Variants in MICU3 observed in about 807,000 individuals in gnomAD.
MICU3 encodes calcium uptake protein 3, mitochondrial.
In MICU3, 62 loss-of-function variants were observed where a neutral mutation model predicts 66.5. That is an observed-to-expected ratio of 0.93 (90% CI 0.76 to 1.15). The LOEUF (loss-of-function observed/expected upper bound fraction) is 1.15. MICU3 is among the 50% of genes most tolerant of loss of function. MICU3 has a pLI of 0.00. For synonymous variants in MICU3, 308 were observed against 240.7 expected (o/e 1.28, Z -2.59); for missense variants, 779 against 664.4 (o/e 1.17, Z -1.90).
the MICU3 span, among the ~76,000 whole-genome samples, chr8:17,130,983 A>G: frequency 6.6e-6 from 1 of 152,180 alleles, no homozygotes; most frequent in African/African-American, 2.4e-5. Flanking sequence ...AATGATAGAG[A>G]AAAAAGATCC....
chr8:17,105,279 G>A, intron 10 of MICU3, 134 bp from the exon 11 acceptor site: 1 of 563,948 alleles, frequency 1.8e-6, no homozygotes. Context: ...TTACAGGGAG[G>A]AACTTTATTA....
chr8:17,118,708 G>T lies in MICU3; in HGVS notation c.1526G>T (p.Gly509Val). 1 of 1,603,700 alleles carries T rather than the reference G, an allele frequency of 6.2e-7. No individual in the cohort carries two copies. Among genetic ancestry groups the T allele is most frequent in the South Asian group, 1.1e-5 (1 of 90,598 alleles). ...ACACTTTGCTCTTCTGTTTTACAGG[G>T]TTATAAAACAGTCCAGAAGTACCCC... ...MKDRLHRGFR[G>V]YKTVQKYPTF... Residue 509 changes from glycine (G) to valine (V), a missense_variant and splice_region_variant, in exon 14 of 15, where the codon GGT (glycine) becomes GTT (valine). Transcript: ENST00000318063.
chr8:17,110,288 C>G lies in MICU3; in HGVS notation c.1258-3805C>G, dbSNP rs549060765. 5.3e-5 allele frequency among the ~76,000 whole-genome samples: 8 copies of G among 152,136 alleles called. No homozygotes were observed. The South Asian group carries it at 1.7e-3, about 32-fold the overall frequency. On this transcript the variant is annotated intron_variant, in intron 11 of 14. Transcript: ENST00000318063. ...TAAAATTTGTATAACAAAAAATTAA[C>G]CGTTTTAAACTGAATAATTCAGTGA...
intron 1 of MICU3, among the ~76,000 whole-genome samples, chr8:17,054,888 G>A (rs904741302): frequency 2.6e-5 from 4 of 151,622 alleles, no homozygotes; most frequent in South Asian, 2.1e-4. Context: ...ACAGGCGCCC[G>A]CCACCATGCC....
At chr8:17,096,955 T>TTTG (rs1554531649) in intron 8 of MICU3, among the ~76,000 whole-genome samples, 8 of 141,548 alleles carry the variant, frequency 5.7e-5, no homozygotes, top group Non-Finnish European at 1.2e-4. Context: ...CTAAATATAT[T>TTTG]TGTGTGTGTG....
chr8:17,046,788 A>G (rs375952059), intron 1 of MICU3, among the ~76,000 whole-genome samples: 3 of 152,220 alleles, frequency 2.0e-5, no homozygotes, highest in East Asian at 3.9e-4. Context: ...ATGACATGAA[A>G]CCTGCAAATT....
At chr8:17,079,746 G>A (rs936538553) in intron 4 of MICU3, among the ~76,000 whole-genome samples, 17 of 151,730 alleles carry the variant, frequency 1.1e-4, no homozygotes, top group African/African-American at 4.1e-4. Flanking sequence ...CTCTTGCCTC[G>A]GCCTCCCAAA....
downstream of MICU3, among the ~76,000 whole-genome samples, chr8:17,127,153 G>C (rs1318618402): frequency 6.6e-6 from 1 of 152,122 alleles, no homozygotes; most frequent in Non-Finnish European, 1.5e-5. Flanking sequence ...GCAAGCTCTA[G>C]GTGCTATAAG....
chr8:17,105,644 C>A, intron 11 of MICU3, 60 bp downstream of exon 11: 1 of 967,972 alleles, frequency 1.0e-6, no homozygotes, highest in Non-Finnish European at 1.5e-6. Context: ...GCCTCTAAAA[C>A]ACATTGCCCT....
chr8:17,039,654 G>A (rs1050917530), intron 1 of MICU3, among the ~76,000 whole-genome samples: 1 of 152,042 alleles, frequency 6.6e-6, no homozygotes, highest in African/African-American at 2.4e-5. Flanking sequence ...TATTTTATAA[G>A]TGCTAAGTAA....
intron 1 of MICU3, among the ~76,000 whole-genome samples, chr8:17,062,427 C>T (rs1056144462): frequency 1.3e-5 from 2 of 151,966 alleles, no homozygotes; most frequent in East Asian, 1.9e-4. Flanking sequence ...AAGTGGGGAG[C>T]GAAACTTTTT....
rs1396173292 is a variant in MICU3 at position 17,116,468 on chromosome 8, A to G, written c.1392A>G (p.Val464=). ...GQDEFKRAVY[V]ATGLKFSPHL... is the part of the protein sequence containing the mutation. ...ATGAATTTAAACGTGCCGTCTATGTAGCTACTGGACTCAAATTTTCACCAC... is the reference window on the plus strand; with the variant it reads ...ATGAATTTAAACGTGCCGTCTATGTGGCTACTGGACTCAAATTTTCACCAC... The change falls in exon 13 of 15, where the codon GTA becomes GTG. Residue 464 remains valine (V), a synonymous_variant. Coordinates refer to ENST00000318063, the MANE Select transcript of MICU3 (RefSeq NM_181723.3). The G allele has an allele frequency of 1.3e-6, 2 of 1,525,212 alleles. No homozygotes were observed. The highest frequency in any genetic ancestry group is 4.9e-5 in the East Asian group (2 of 40,940). 94.5% of individuals were successfully genotyped at this position (1,525,212 alleles called of 1,614,324 possible). A position where few individuals can be genotyped will look rare whatever the true frequency, so the allele number is the denominator to read the frequency against.
At chr8:17,033,639 G>A (rs1812464830) in intron 1 of MICU3, among the ~76,000 whole-genome samples, 2 of 151,990 alleles carry the variant, frequency 1.3e-5, no homozygotes, top group Admixed American at 1.3e-4. Flanking sequence ...GGATTTCACT[G>A]TGTTTGCCAG....
rs1818298377 is a variant in MICU3, at chr8:17,064,090, A to G, written c.388A>G (p.Ile130Val). The G allele has an allele frequency of 1.9e-6, 3 of 1,608,826 alleles. No individual in the cohort carries two copies. The highest frequency in any genetic ancestry group is 1.1e-5 in the South Asian group (1 of 89,678). The change falls in exon 2 of 15, where the codon ATT (isoleucine) becomes GTT (valine). Residue 130 changes from isoleucine (I) to valine (V), a missense_variant. Ile to Val is a conservative substitution (Grantham distance 29). Coordinates refer to ENST00000318063, the MANE Select transcript of MICU3 (RefSeq NM_181723.3). Reference protein sequence around the residue: ...PVAAAKETVAIGRTDIEDLDL... With the variant: ...PVAAAKETVAVGRTDIEDLDL... ...TTTGCTTTCTTAACTTTAGGTTGCT[A>G]TTGGCAGAACAGACATTGAAGACTT...
chr8:17,115,988 A>C (rs557749917), intron 12 of MICU3, among the ~76,000 whole-genome samples: 1 of 152,120 alleles, frequency 6.6e-6, no homozygotes, highest in South Asian at 2.1e-4. Flanking sequence ...TCCTTTTCCT[A>C]ACCACTGCCT....
At chr8:17,128,112 C>G in the MICU3 span, among the ~76,000 whole-genome samples, 1 of 152,064 alleles carries the variant, frequency 6.6e-6, no homozygotes, top group African/African-American at 2.4e-5. Context: ...GAGTTCTCTA[C>G]TGACAGTGTG....
At chr8:17,115,299 C>T (rs1802580578) in intron 12 of MICU3, among the ~76,000 whole-genome samples, 1 of 151,862 alleles carries the variant, frequency 6.6e-6, no homozygotes, top group Non-Finnish European at 1.5e-5. Flanking sequence ...TATATTTTAC[C>T]CTTTCTGTAG....
chr8:17,097,257 A>G (rs1233819286), intron 8 of MICU3, among the ~76,000 whole-genome samples: 1 of 151,834 alleles, frequency 6.6e-6, no homozygotes, highest in East Asian at 1.9e-4. Flanking sequence ...ATATAAAATA[A>G]AATGAACTGT....
At chr8:17,133,113 C>A in the MICU3 span, 1 of 152,158 alleles carries the variant, frequency 6.6e-6, no homozygotes, top group Non-Finnish European at 1.5e-5. Context: ...CCAGTATAAG[C>A]TATTTTGTTA....
Sources: allele counts gnomAD v4.1 joint callset (sites outside exome capture counted in the v4.1 genomes callset), GRCh38; gene constraint gnomAD v4.1.1; transcripts MANE v1.5; gene names NCBI Gene and HGNC (gene_info 2026-07-23, HGNC 2026-07-21).